The following KCTD16 variants were observed in gnomAD, a reference collection of about 807,000 sequenced individuals.
The protein encoded by KCTD16 is potassium channel tetramerization domain containing 16.
Under a neutral mutation model 33.2 loss-of-function variants are expected in KCTD16, and 13 were observed. The ratio of observed to expected loss-of-function variants is 0.39; its 90% CI spans 0.25 to 0.62. KCTD16 has a LOEUF of 0.62. Among genes scored for constraint, KCTD16 ranks in the 20% least tolerant of loss-of-function variants. The pLI is 0.50. For missense variants in KCTD16, 441 were observed against 525.1 expected (o/e 0.84, Z 1.57); for synonymous variants, 197 against 195.3 (o/e 1.01, Z -0.07).
At chr5:144,179,089 A>G in intron 2 of KCTD16, among the ~76,000 whole-genome samples, 1 of 152,176 alleles carries the variant, frequency 6.6e-6, no homozygotes, top group East Asian at 1.9e-4. Context: ...TGACTTTACA[A>G]ATGAGGATCT....
In KCTD16 at chr5:144,361,365, A is replaced by C. The variant is rs142628061; in HGVS notation, c.833-112295A>C. Among the ~76,000 whole-genome samples the C allele has an allele frequency of 5.3e-3, 807 of 152,236 alleles. 9 individuals carry two copies. Among genetic ancestry groups the C allele is most frequent in the African/African-American group, 0.018 (756 of 41,550 alleles). On this transcript the variant is annotated intron_variant, in intron 3 of 3. Coordinates refer to ENST00000512467, the MANE Select transcript of KCTD16 (RefSeq NM_020768.4). Reference sequence around the variant, plus strand: ...TAAGATAGACAGTGTTTTTGTGGAAATATTTAACCTCTTGTGGTCTTCCAC... The same window carrying C: ...TAAGATAGACAGTGTTTTTGTGGAACTATTTAACCTCTTGTGGTCTTCCAC...
chr5:144,336,397 C>T (rs981923552), intron 3 of KCTD16, among the ~76,000 whole-genome samples: 12 of 152,178 alleles, frequency 7.9e-5, no homozygotes, highest in African/African-American at 2.9e-4. Flanking sequence ...TGAGGCAATT[C>T]GGAAGCCAGG....
intron 3 of KCTD16, among the ~76,000 whole-genome samples, chr5:144,242,640 G>A (rs1754436208): frequency 6.6e-6 from 1 of 152,166 alleles, no homozygotes; most frequent in South Asian, 2.1e-4. Context: ...GATTTGGCTG[G>A]TTGGAAAGTT....
intron 3 of KCTD16, among the ~76,000 whole-genome samples, chr5:144,429,678 A>T (rs1229255841): frequency 6.6e-6 from 1 of 152,100 alleles, no homozygotes; most frequent in Non-Finnish European, 1.5e-5. Context: ...AGTCAGAAAG[A>T]AGCTATTCCT....
At chr5:144,347,365 C>T (rs146116160) in intron 3 of KCTD16, among the ~76,000 whole-genome samples, 75 of 152,248 alleles carry the variant, frequency 4.9e-4, no homozygotes, top group African/African-American at 1.7e-3. Flanking sequence ...GAGGCTGAGT[C>T]GGGAGGATCA....
At chr5:144,316,171 A>G (rs1751907528) in intron 3 of KCTD16, among the ~76,000 whole-genome samples, 1 of 152,062 alleles carries the variant, frequency 6.6e-6, no homozygotes, top group Non-Finnish European at 1.5e-5. Flanking sequence ...AAATCCACAG[A>G]CTCCTGGTAA....
chr5:144,215,572 A>C (rs889168454), intron 3 of KCTD16, among the ~76,000 whole-genome samples: 8 of 152,250 alleles, frequency 5.3e-5, no homozygotes, highest in Non-Finnish European at 4.4e-5. Context: ...ATACATGATC[A>C]TTAGCAAATT....
In KCTD16 at chr5:144,225,740, C is replaced by A. The variant is rs77931823; in HGVS notation, c.832+18194C>A. 9.7e-3 allele frequency among the ~76,000 whole-genome samples: 1,473 copies of A among 152,264 alleles called. 22 individuals carry two copies. Among genetic ancestry groups the A allele is most frequent in the African/African-American group, 0.033 (1,386 of 41,536 alleles). On this transcript the variant is annotated intron_variant, in intron 3 of 3. Coordinates refer to ENST00000512467, the MANE Select transcript of KCTD16 (RefSeq NM_020768.4). Reference sequence around the variant, plus strand: ...AGAAAGGGTACATTTAAGCATGAAACCTATGACTAACCTGAAACTCTGTTT... The same window carrying A: ...AGAAAGGGTACATTTAAGCATGAAAACTATGACTAACCTGAAACTCTGTTT...
chr5:144,210,792 A>G (rs1478783185), intron 3 of KCTD16, among the ~76,000 whole-genome samples: 1 of 152,132 alleles, frequency 6.6e-6, no homozygotes, highest in East Asian at 1.9e-4. Flanking sequence ...GGTTGGAGAG[A>G]ATTATGCACA....
rs200365058 is a variant in KCTD16, at chr5:144,465,063, A to AT, written c.833-8592dup. On this transcript the variant is annotated intron_variant, in intron 3 of 3. Coordinates refer to ENST00000512467, the MANE Select transcript of KCTD16 (RefSeq NM_020768.4). ...TAGAAGGTAGAGATTAAGCATTGTA[A>AT]TTTTTACCTCCCTTTGCTGATTGCA... Among the ~76,000 whole-genome samples, 1,246 of 152,202 alleles carry AT rather than the reference A, an allele frequency of 8.2e-3. 9 individuals carry two copies. The highest frequency in any genetic ancestry group is 0.013 in the Non-Finnish European group (908 of 67,998).
chr5:144,232,085 T>A (rs1387363056), intron 3 of KCTD16, among the ~76,000 whole-genome samples: 1 of 152,138 alleles, frequency 6.6e-6, no homozygotes, highest in Admixed American at 6.5e-5. Context: ...CTTTTGATGT[T>A]AAGAGTGTTC....
intron 3 of KCTD16, among the ~76,000 whole-genome samples, chr5:144,252,874 T>A (rs2126832604): frequency 6.6e-6 from 1 of 151,866 alleles, no homozygotes; most frequent in South Asian, 2.1e-4. Context: ...GGGTTGTTTT[T>A]TTTTCTCTCA....
chr5:144,367,274 A>C lies in KCTD16; in HGVS notation c.833-106386A>C, dbSNP rs73795513. 3.6e-3 allele frequency among the ~76,000 whole-genome samples: 540 copies of C among 152,004 alleles called. 5 individuals carry two copies. Among genetic ancestry groups the C allele is most frequent in the African/African-American group, 0.012 (513 of 41,442 alleles). On this transcript the variant is annotated intron_variant, in intron 3 of 3. Coordinates refer to ENST00000512467, the MANE Select transcript of KCTD16 (RefSeq NM_020768.4). ...GGGAAGGGTGGGTGTAGAGCTGTGC[A>C]AACAAGCAGGCTGGCCAAGAGCAAA...
At chr5:144,328,200 A>G (rs1752259675) in intron 3 of KCTD16, among the ~76,000 whole-genome samples, 2 of 152,220 alleles carry the variant, frequency 1.3e-5, no homozygotes, top group African/African-American at 2.4e-5. Context: ...AGTTCTGCTC[A>G]TATTTTAGCC....
intron 3 of KCTD16, among the ~76,000 whole-genome samples, chr5:144,378,217 A>G (rs1752135517): frequency 6.6e-6 from 1 of 152,156 alleles, no homozygotes; most frequent in African/African-American, 2.4e-5. Context: ...AGGAAGGTAT[A>G]TTTAGAATTG....
intron 2 of KCTD16, among the ~76,000 whole-genome samples, chr5:144,201,133 G>A (rs1036484847): frequency 6.6e-6 from 1 of 152,198 alleles, no homozygotes; most frequent in African/African-American, 2.4e-5. Context: ...GAGACTATAT[G>A]AAATCGGGCT....
chr5:144,292,867 C>T (rs1023542636), intron 3 of KCTD16, among the ~76,000 whole-genome samples: 1 of 152,132 alleles, frequency 6.6e-6, no homozygotes, highest in African/African-American at 2.4e-5. Context: ...CGCTAGGATT[C>T]CGGGTTGCAC....
chr5:144,351,432 AC>A (rs1751430661), intron 3 of KCTD16, among the ~76,000 whole-genome samples: 1 of 152,172 alleles, frequency 6.6e-6, no homozygotes, highest in African/African-American at 2.4e-5. Context: ...GGAAAAGGAA[AC>A]CCTTGCACAC....
At chr5:144,297,742 G>A (rs1289406897) in intron 3 of KCTD16, among the ~76,000 whole-genome samples, 2 of 152,184 alleles carry the variant, frequency 1.3e-5, no homozygotes, top group Admixed American at 6.5e-5. Flanking sequence ...GGCAAAAACA[G>A]GAGGTAAAGA....
Sources: allele counts gnomAD v4.1 joint callset (sites outside exome capture counted in the v4.1 genomes callset), GRCh38; gene constraint gnomAD v4.1.1; transcripts MANE v1.5; gene names NCBI Gene and HGNC (gene_info 2026-07-23, HGNC 2026-07-21).